RNF150: variants seen among roughly 807,000 people sequenced by gnomAD.
RNF150 encodes the protein ring finger protein 150.
Under a neutral mutation model 39.3 loss-of-function variants are expected in RNF150, and 24 were observed. The observed-to-expected ratio is 0.61, with a 90% CI of 0.44 to 0.86. The LOEUF (loss-of-function observed/expected upper bound fraction) is 0.86, where lower values mean the gene tolerates loss of function less well. Ranked by LOEUF, RNF150 falls within the 40% of genes least tolerant of loss-of-function variation. The pLI is 0.00. For missense variants in RNF150, 502 were observed against 587.8 expected, an observed-to-expected ratio of 0.85 and a Z score of 1.51; for synonymous variants, 255 against 227.3, an observed-to-expected ratio of 1.12 and a Z score of -1.10.
chr4:141,208,016 T>C (rs1330630535), intron 1 of RNF150, among the ~76,000 whole-genome samples: 1 of 152,164 alleles, frequency 6.6e-6, no homozygotes, highest in South Asian at 2.1e-4. Flanking sequence ...TCACAAAATA[T>C]GGAAGTTGAA....
chr4:140,933,421 T>C (rs1731725480), intron 4 of RNF150, among the ~76,000 whole-genome samples: 1 of 152,182 alleles, frequency 6.6e-6, no homozygotes, highest in Non-Finnish European at 1.5e-5. Flanking sequence ...AGTGCCAAAA[T>C]GGTGCTCAAA....
chr4:140,954,310 G>A (rs936713974), intron 2 of RNF150, among the ~76,000 whole-genome samples: 4 of 152,126 alleles, frequency 2.6e-5, no homozygotes, highest in African/African-American at 4.8e-5. Context: ...TGCTTCTCGG[G>A]TTCAACTGAT....
At chr4:141,163,714 C>G (rs1281649215) in intron 1 of RNF150, among the ~76,000 whole-genome samples, 1 of 152,134 alleles carries the variant, frequency 6.6e-6, no homozygotes, top group Non-Finnish European at 1.5e-5. Flanking sequence ...GAATAGGGGT[C>G]TGACTGTTAG....
At chr4:140,870,994 CTCTCTCTCTA>C (rs1728912226) in intron 6 of RNF150, among the ~76,000 whole-genome samples, 4 of 143,182 alleles carry the variant, frequency 2.8e-5, no homozygotes, top group South Asian at 2.3e-4. Context: ...CTCTCTCTCT[CTCTCTCTCTA>C]TATATATATA....
chr4:141,184,116 T>C (rs1727960741), intron 1 of RNF150, among the ~76,000 whole-genome samples: 1 of 152,184 alleles, frequency 6.6e-6, no homozygotes, highest in Admixed American at 6.5e-5. Context: ...TAATTTACAC[T>C]CCCACCAACA....
intron 6 of RNF150, among the ~76,000 whole-genome samples, chr4:140,899,972 C>CTGTGTGTG (rs1208364964): frequency 1.1e-4 from 8 of 69,804 alleles, no homozygotes; most frequent in African/African-American, 3.6e-4. Flanking sequence ...CTCTCTCTCT[C>CTGTGTGTG]TCTGTGTGTG....
At chr4:140,992,559 G>A (rs1734232050) in intron 1 of RNF150, among the ~76,000 whole-genome samples, 2 of 152,018 alleles carry the variant, frequency 1.3e-5, no homozygotes, top group African/African-American at 4.8e-5. Context: ...GAGAGGAGAG[G>A]CACTACAGAC....
At chr4:141,209,487 C>T (rs1728429712) in intron 1 of RNF150, among the ~76,000 whole-genome samples, 3 of 152,070 alleles carry the variant, frequency 2.0e-5, no homozygotes, top group Admixed American at 1.3e-4. Context: ...CATATATTTC[C>T]TGCTACCTAT....
chr4:140,901,815 T>C (rs1560956062), intron 6 of RNF150, among the ~76,000 whole-genome samples: 1 of 152,060 alleles, frequency 6.6e-6, no homozygotes, highest in African/African-American at 2.4e-5. Context: ...GCAGAGAAAA[T>C]ATCTCAGAGA....
chr4:140,989,855 C>T lies in RNF150; in HGVS notation c.485-21982G>A, dbSNP rs1198377688. On this transcript the variant is annotated intron_variant, in intron 1 of 6. Coordinates refer to ENST00000515673, the MANE Select transcript of RNF150 (RefSeq NM_020724.2). ...CAAATGCTGACAGGCTGGTTCCACC[C>T]AGCTAATCACAGCAGTTACTGAACA... Among the ~76,000 whole-genome samples the T allele has an allele frequency of 6.8e-4, 103 of 152,160 alleles. 1 individual carries two copies. Among genetic ancestry groups the T allele is most frequent in the Admixed American group, 6.7e-3 (103 of 15,274 alleles).
At chr4:140,877,150 A>ATT (rs1183730213) in intron 6 of RNF150, among the ~76,000 whole-genome samples, 2 of 152,112 alleles carry the variant, frequency 1.3e-5, no homozygotes, top group Admixed American at 6.5e-5. Flanking sequence ...CAGGGGAAAG[A>ATT]TTTTCTCCAA....
At chr4:141,063,914 A>T (rs1041920127) in intron 1 of RNF150, among the ~76,000 whole-genome samples, 22 of 151,752 alleles carry the variant, frequency 1.4e-4, no homozygotes, top group African/African-American at 5.1e-4. Context: ...ATTCTAGCCA[A>T]AGGTTTTGGC....
chr4:140,900,814 G>C (rs1287654932), intron 6 of RNF150, among the ~76,000 whole-genome samples: 4 of 131,662 alleles, frequency 3.0e-5, no homozygotes, highest in Non-Finnish European at 1.7e-5. Flanking sequence ...CACCAAGCTA[G>C]GAACTTTATA....
Position 141,132,308 on chromosome 4 carries a change from C to A in RNF150, c.484+17G>T. The A allele has an allele frequency of 1.9e-6, 3 of 1,561,692 alleles. No individual in the cohort carries two copies. Among genetic ancestry groups the A allele is most frequent in the Non-Finnish European group, 1.7e-6 (2 of 1,152,570 alleles). On this transcript the variant is annotated intron_variant, in intron 1 of 6. Coordinates refer to ENST00000515673, the MANE Select transcript of RNF150 (RefSeq NM_020724.2). This position sits in a 1 kb window ranked among gnomAD's most constrained non-coding sequence, Gnocchi z 4.9. ...TCCCCGCCGGCTCCCCTCCCCCGCG[C>A]CCGCTGGGCCACTCACCCGCGTGGG...
At chr4:140,976,194 G>A (rs1029025035) in intron 1 of RNF150, among the ~76,000 whole-genome samples, 3 of 152,062 alleles carry the variant, frequency 2.0e-5, no homozygotes, top group African/African-American at 7.2e-5. Context: ...ACCAGAAGAT[G>A]GTTTGCTGAG....
intron 6 of RNF150, among the ~76,000 whole-genome samples, chr4:140,871,747 G>A (rs576310654): frequency 6.6e-6 from 1 of 152,308 alleles, no homozygotes; most frequent in South Asian, 2.1e-4. Context: ...TGGCTTTGCA[G>A]CCACCAGCCT....
At chr4:140,947,619 C>CAA (rs1732370174) in intron 4 of RNF150, 35 bp downstream of exon 4, 1 of 1,553,502 alleles carries the variant, frequency 6.4e-7, no homozygotes, top group Non-Finnish European at 8.9e-7. Context: ...TCCACACACA[C>CAA]AACCCAATCA....
intron 5 of RNF150, among the ~76,000 whole-genome samples, chr4:140,918,072 G>T (rs1730921960): frequency 6.6e-6 from 1 of 151,686 alleles, no homozygotes; most frequent in African/African-American, 2.4e-5. Context: ...AGCACTAAAT[G>T]CCCACAAGAG....
At chr4:140,999,512 T>C (rs60454510) in intron 1 of RNF150, among the ~76,000 whole-genome samples, 11,555 of 152,230 alleles carry the variant, frequency 0.076, 499 homozygotes, top group Middle Eastern at 0.16. Context: ...CATGCAATAA[T>C]TTCTTTAATG....
Sources: gnomAD v4.1 joint callset for allele counts (sites outside exome capture counted in the v4.1 genomes callset) on GRCh38, gnomAD v4.1.1 for gene constraint, Gnocchi (gnomAD v3.1) non-coding constraint, MANE v1.5 for transcripts, NCBI Gene and HGNC (gene_info 2026-07-23, HGNC 2026-07-21) for gene names.